The following DYM variants were observed in gnomAD, a reference collection of about 807,000 sequenced individuals.
DYM encodes dymeclin.
Under a neutral mutation model 93.1 loss-of-function variants are expected in DYM, and 78 were observed. The ratio of observed to expected loss-of-function variants is 0.84; its 90% CI spans 0.70 to 1.01. DYM has a LOEUF of 1.01. DYM is among the 50% of genes least tolerant of loss of function. The pLI, the probability that DYM is intolerant of heterozygous loss-of-function variation, is 0.00. For missense variants in DYM, 789 were observed against 845.0 expected (o/e 0.93, Z 0.82); for synonymous variants, 321 against 319.7 (o/e 1.00, Z -0.04).
intron 8 of DYM, among the ~76,000 whole-genome samples, chr18:49,289,400 T>A (rs1281786169): frequency 6.1e-4 from 5 of 8,240 alleles, no homozygotes; most frequent in South Asian, 3.4e-3. Context: ...AATCTACAAA[T>A]CAGTAAAAAA....
intron 2 of DYM, among the ~76,000 whole-genome samples, chr18:49,421,242 C>A (rs1307875728): frequency 4.6e-5 from 7 of 152,172 alleles, no homozygotes; most frequent in African/African-American, 7.2e-5. Context: ...CTGGGAGGCA[C>A]CTCCCAGTAG....
chr18:49,188,605 C>T (rs117983383), intron 14 of DYM, among the ~76,000 whole-genome samples: 2,379 of 152,090 alleles, frequency 0.016, 24 homozygotes, highest in South Asian at 0.047. Context: ...AACCAAACAT[C>T]GCGTGTCCTC....
At chr18:49,348,883 G>A (rs2064862427) in intron 6 of DYM, among the ~76,000 whole-genome samples, 1 of 141,726 alleles carries the variant, frequency 7.1e-6, no homozygotes, top group Non-Finnish European at 1.5e-5. Context: ...CACTCCAGCC[G>A]GGTAACAGAG....
At chr18:49,095,450 T>G (rs919543564) in intron 17 of DYM, among the ~76,000 whole-genome samples, 24 of 151,678 alleles carry the variant, frequency 1.6e-4, no homozygotes, top group African/African-American at 5.3e-4. Context: ...TGATAGTGTT[T>G]TTTTTTTTTT....
chr18:49,235,175 G>GTT (rs2093824253), intron 13 of DYM, among the ~76,000 whole-genome samples: 1 of 152,230 alleles, frequency 6.6e-6, no homozygotes, highest in Non-Finnish European at 1.5e-5. Flanking sequence ...TGATTAAGCA[G>GTT]TTAAGTTTGC....
In DYM at chr18:49,097,494, T is replaced by C; in HGVS notation, c.1933A>G (p.Arg645Gly). Residue 645 changes from arginine (R) to glycine (G), a missense_variant, in exon 17 of 18, where the codon AGG becomes GGG. This residue lies in a region of DYM where 114 missense variants were observed against 105.8 expected (regional missense o/e 1.08). Coordinates refer to ENST00000675505, the MANE Select transcript of DYM (RefSeq NM_001353214.3). ...IDLVISFFSSRLLQAGAELSV... is the reference protein window; with the variant it reads ...IDLVISFFSSGLLQAGAELSV... ...AGCTCAGCTCCAGCTTGCAGCAACC[T>C]TGAGCTAAAGAAGGAGATCACCTGT... 2 of 1,613,998 alleles carry C rather than the reference T, an allele frequency of 1.2e-6. No individual in the cohort carries two copies. The highest frequency in any genetic ancestry group is 2.2e-5 in the East Asian group (1 of 44,888).
intron 14 of DYM, among the ~76,000 whole-genome samples, chr18:49,208,211 A>ATT (rs1568605937): frequency 6.6e-6 from 1 of 151,730 alleles, no homozygotes; most frequent in Non-Finnish European, 1.5e-5. Flanking sequence ...AAAATTAAAA[A>ATT]GAAAAAGACG....
intron 8 of DYM, among the ~76,000 whole-genome samples, chr18:49,309,428 A>T (rs566166833): frequency 6.6e-6 from 1 of 152,264 alleles, no homozygotes; most frequent in African/African-American, 2.4e-5. Context: ...AGAGGCCAGG[A>T]GTTTGAGACC....
At chr18:49,353,038 GT>G (rs1373672118) in intron 6 of DYM, among the ~76,000 whole-genome samples, 1 of 152,040 alleles carries the variant, frequency 6.6e-6, no homozygotes, top group Non-Finnish European at 1.5e-5. Flanking sequence ...AAACAAAAAA[GT>G]TTCCAAATTC....
intron 8 of DYM, among the ~76,000 whole-genome samples, chr18:49,313,054 G>A (rs1195802263): frequency 3.3e-5 from 5 of 152,152 alleles, no homozygotes; most frequent in Non-Finnish European, 7.3e-5. Context: ...ATAGGAGCTA[G>A]GTTAAATAAG....
At chr18:49,306,903 G>A (rs573904646) in intron 8 of DYM, among the ~76,000 whole-genome samples, 2 of 152,196 alleles carry the variant, frequency 1.3e-5, no homozygotes, top group Non-Finnish European at 1.5e-5. Flanking sequence ...AGAGTATGAC[G>A]AAAATATCTG....
intron 13 of DYM, among the ~76,000 whole-genome samples, chr18:49,245,950 A>G (rs1276085286): frequency 6.6e-6 from 1 of 152,194 alleles, no homozygotes; most frequent in Admixed American, 6.5e-5. Flanking sequence ...CCTACATTGA[A>G]ATATTGGGGG....
chr18:49,384,322 CAAAAAA>C (rs398032777), intron 3 of DYM, among the ~76,000 whole-genome samples: 7 of 65,828 alleles, frequency 1.1e-4, no homozygotes, highest in Non-Finnish European at 1.9e-4. Flanking sequence ...ACCATGTCTC[CAAAAAA>C]AAAAAAAAAA....
intron 15 of DYM, among the ~76,000 whole-genome samples, chr18:49,130,660 G>T (rs59643060): frequency 0.16 from 24,715 of 151,898 alleles, 2,325 homozygotes; most frequent in East Asian, 0.39. Flanking sequence ...TTTCTCCTTT[G>T]AATATTTACT....
At chr18:49,456,192 A>G (rs1239914957) in intron 1 of DYM, among the ~76,000 whole-genome samples, 1 of 152,212 alleles carries the variant, frequency 6.6e-6, no homozygotes, top group African/African-American at 2.4e-5. Flanking sequence ...TTTAGGGTTA[A>G]CAGTGTAAGA....
chr18:49,361,366 T>C (rs1325158387), intron 6 of DYM, among the ~76,000 whole-genome samples: 1 of 152,224 alleles, frequency 6.6e-6, no homozygotes, highest in African/African-American at 2.4e-5. Flanking sequence ...TGGAGCCTAT[T>C]TTCTCACAAA....
intron 17 of DYM, among the ~76,000 whole-genome samples, chr18:49,079,154 A>T (rs969325586): frequency 6.6e-6 from 1 of 152,082 alleles, no homozygotes; most frequent in Non-Finnish European, 1.5e-5. Flanking sequence ...CTCGGCTGAG[A>T]CATCTCCTTT....
At chr18:49,160,453 A>G (rs1368381310) in intron 15 of DYM, among the ~76,000 whole-genome samples, 1 of 152,214 alleles carries the variant, frequency 6.6e-6, no homozygotes, top group East Asian at 1.9e-4. Context: ...AGGTAGACTG[A>G]AAGTACTCTA....
chr18:49,443,725 G>A (rs1453887333), intron 1 of DYM, among the ~76,000 whole-genome samples: 1 of 152,148 alleles, frequency 6.6e-6, no homozygotes, highest in East Asian at 1.9e-4. Flanking sequence ...CCTCCTCAGA[G>A]CAGAATGTCT....
Sources: gnomAD v4.1 joint callset for allele counts (sites outside exome capture counted in the v4.1 genomes callset) on GRCh38, gnomAD v4.1.1 for gene constraint, gnomAD v4.1.1 regional missense constraint, MANE v1.5 for transcripts, NCBI Gene and HGNC (gene_info 2026-07-23, HGNC 2026-07-21) for gene names.